CHMP5: variants seen among roughly 807,000 people sequenced by gnomAD.
CHMP5 encodes charged multivesicular body protein 5.
Under a neutral mutation model 33.0 loss-of-function variants are expected in CHMP5, and 17 were observed. That is an observed-to-expected ratio of 0.52 (90% confidence interval 0.35 to 0.77). CHMP5 has a LOEUF of 0.77. CHMP5 is among the 30% of genes least tolerant of loss of function. The pLI, the probability that CHMP5 is intolerant of heterozygous loss-of-function variation, is 0.01. For synonymous variants in CHMP5, 76 were observed against 90.2 expected (o/e 0.84, Z 0.89); for missense variants, 216 against 261.5 (o/e 0.83, Z 1.20).
At chr9:33,278,075 G>T (rs955226159) in intron 6 of CHMP5, 38 bp from the exon 7 acceptor site, 1 of 1,377,770 alleles carries the variant, frequency 7.3e-7, no homozygotes, top group Non-Finnish European at 1.0e-6. Flanking sequence ...AGTTTTCTTG[G>T]TTACATTTTT....
At chr9:33,267,169 C>T (rs1442770865) in intron 2 of CHMP5, among the ~76,000 whole-genome samples, 4 of 152,164 alleles carry the variant, frequency 2.6e-5, no homozygotes, top group African/African-American at 9.7e-5. Flanking sequence ...TTTCCTTCCT[C>T]ACTGGAGAAG....
Position 33,276,715 on chromosome 9 carries a change from C to T in CHMP5, c.496+151C>T. ...GTCCCTGGGCAAAGAGCTTGTGAGGCAGCCACATCAGATTGCATACTCCAC... is the reference window on the plus strand; with the variant it reads ...GTCCCTGGGCAAAGAGCTTGTGAGGTAGCCACATCAGATTGCATACTCCAC... On this transcript the variant is annotated intron_variant, in intron 6 of 7. Coordinates refer to ENST00000223500, the MANE Select transcript of CHMP5 (RefSeq NM_016410.6). 8.5e-6 allele frequency: 5 copies of T among 589,880 alleles called. No individual in the cohort carries two copies. In the South Asian group the frequency reaches 1.1e-4, roughly 13 times the overall value. The allele number at this position is 589,880 out of a possible 1,614,324, so 36.5% of individuals were successfully genotyped here.
intron 6 of CHMP5, chr9:33,277,705 A>C (rs1279127766): frequency 1.9e-5 from 3 of 159,144 alleles, no homozygotes; most frequent in Admixed American, 1.8e-4. Flanking sequence ...GGTGGCTGTC[A>C]GTTTCTAGCA....
intron 7 of CHMP5, among the ~76,000 whole-genome samples, chr9:33,279,074 G>A (rs1464439484): frequency 2.6e-5 from 4 of 152,052 alleles, no homozygotes; most frequent in African/African-American, 7.2e-5. Context: ...ACAGGTGCGC[G>A]CCAACATGCC....
chr9:33,271,488 GC>G (rs1366491157), intron 5 of CHMP5, among the ~76,000 whole-genome samples: 2 of 152,280 alleles, frequency 1.3e-5, no homozygotes, highest in African/African-American at 4.8e-5. Flanking sequence ...AAAACTATAT[GC>G]ATTCAGTAGA....
chr9:33,270,443 A>G (rs537047202), intron 3 of CHMP5, among the ~76,000 whole-genome samples, 180 bp from the exon 4 acceptor site: 3 of 152,326 alleles, frequency 2.0e-5, no homozygotes, highest in East Asian at 3.9e-4. Flanking sequence ...GACACATCAA[A>G]TGATATTTGT....
Position 33,276,914 on chromosome 9 carries a change from A to G in CHMP5, c.496+350A>G, listed in dbSNP as rs146265656. Among the ~76,000 whole-genome samples, 581 of 152,222 alleles carry G rather than the reference A, an allele frequency of 3.8e-3. 1 individual carries two copies. The highest frequency in any genetic ancestry group is 0.013 in the African/African-American group (553 of 41,522). On this transcript the variant is annotated intron_variant, in intron 6 of 7. Transcript: ENST00000223500. The stretch of plus-strand genomic sequence containing the variant: ...CTCAGAACAGCAAAACCAATTAAGA[A>G]ACAATAATTAGGGCCAGGTGCCCTA...
intron 7 of CHMP5, among the ~76,000 whole-genome samples, chr9:33,280,110 G>A (rs1820904439): frequency 6.6e-6 from 1 of 151,982 alleles, no homozygotes; most frequent in Non-Finnish European, 1.5e-5. Context: ...CCAAGTAGCT[G>A]AGATTACAGG....
intron 5 of CHMP5, 105 bp from the exon 6 acceptor site, chr9:33,276,351 T>C (rs1440095110): frequency 1.6e-6 from 1 of 631,600 alleles, no homozygotes; most frequent in Non-Finnish European, 2.8e-6. Flanking sequence ...TACATTATCT[T>C]TTTAAAAATT....
Position 33,268,022 on chromosome 9 carries a change from C to T in CHMP5, c.221+123C>T, listed in dbSNP as rs146710374. 137 of 703,392 alleles carry T rather than the reference C, an allele frequency of 1.9e-4. 1 individual carries two copies. Among genetic ancestry groups the T allele is most frequent in the African/African-American group, 1.7e-3 (93 of 55,754 alleles). 43.6% of individuals were successfully genotyped at this position (703,392 alleles called of 1,614,324 possible). A position where few individuals can be genotyped will look rare whatever the true frequency, so the allele number is the denominator to read the frequency against. On this transcript the variant is annotated intron_variant, in intron 3 of 7. Coordinates refer to ENST00000223500, the MANE Select transcript of CHMP5 (RefSeq NM_016410.6). ...TGATTTAATTACAAATTTTCATTGA[C>T]GTGTAATTAAATACAGTTAGCTGGG...
rs1325490620 is a variant in CHMP5 at position 33,270,476 on chromosome 9, T to G, written c.222-147T>G. ...TGTGTTAGAGTGATTAAATTGTTTT[T>G]GCCAATTTTTCTGCGTGATACCTAA... On this transcript the variant is annotated intron_variant, in intron 3 of 7. Coordinates refer to ENST00000223500, the MANE Select transcript of CHMP5 (RefSeq NM_016410.6). 19 of 628,426 alleles carry G rather than the reference T, an allele frequency of 3.0e-5. No homozygotes were observed. In the South Asian group the frequency reaches 3.4e-4, roughly 11 times the overall value. 38.9% of individuals were successfully genotyped at this position (628,426 alleles called of 1,614,324 possible). A position where few individuals can be genotyped will look rare whatever the true frequency, so the allele number is the denominator to read the frequency against.
chr9:33,276,739 A>G (rs1820859593), intron 6 of CHMP5, among the ~76,000 whole-genome samples, 175 bp downstream of exon 6: 1 of 152,188 alleles, frequency 6.6e-6, no homozygotes, highest in Admixed American at 6.5e-5. Context: ...TGCATACTCC[A>G]CCAACAACAG....
In CHMP5 at chr9:33,267,877, C is replaced by T. The variant is rs747863219; in HGVS notation, c.199C>T (p.Arg67Ter). 1.2e-6 allele frequency: 2 copies of T among 1,611,196 alleles called. No individual in the cohort carries two copies. Among genetic ancestry groups the T allele is most frequent in the Non-Finnish European group, 8.5e-7 (1 of 1,177,596 alleles). ...AKNMVKQKALRVLKQKRMYEQ... is the reference protein window; with the variant it reads ...AKNMVKQKAL ...GAATATGGTCAAGCAGAAAGCCTTG[C>T]GAGTTTTAAAGCAAAAGAGGATGTA... Residue 67 changes from arginine to a stop codon, truncating the protein, a stop_gained, in exon 3 of 8, where the codon CGA becomes TGA. Coordinates refer to ENST00000223500, the MANE Select transcript of CHMP5 (RefSeq NM_016410.6). LOFTEE classifies it high-confidence loss of function.
chr9:33,270,540 C>T, intron 3 of CHMP5, 83 bp from the exon 4 acceptor site: 7 of 1,045,938 alleles, frequency 6.7e-6, no homozygotes, highest in South Asian at 1.4e-5. Flanking sequence ...TTTTTAAATA[C>T]TCTTATTTAG....
In CHMP5 at chr9:33,265,189, C is replaced by T. The variant is rs181826784; in HGVS notation, c.69+42C>T. On this transcript the variant is annotated intron_variant, in intron 1 of 7. Transcript: ENST00000223500. ...GCATAAGTAGGCTCAGGACCTCTGA[C>T]ACACCCGACCCCGCCCACCCCCAGC... 2,987 of 1,593,770 alleles carry T rather than the reference C, an allele frequency of 1.9e-3. 48 individuals carry two copies. The African/African-American group carries it at 0.035, about 19-fold the overall frequency.
At chr9:33,280,413 G>A (rs923879247) in intron 7 of CHMP5, among the ~76,000 whole-genome samples, 4 of 152,200 alleles carry the variant, frequency 2.6e-5, no homozygotes, top group African/African-American at 9.6e-5. Context: ...CTATCCACGG[G>A]CACTGCTCCT....
At chr9:33,276,245 T>C (rs752043370) in intron 5 of CHMP5, among the ~76,000 whole-genome samples, 2 of 152,220 alleles carry the variant, frequency 1.3e-5, no homozygotes, top group African/African-American at 2.4e-5. Flanking sequence ...GAGTGTCTGC[T>C]CAGTTGTTAA....
At chr9:33,278,323 C>T (rs2118049559) in intron 7 of CHMP5, 98 bp downstream of exon 7, 1 of 736,852 alleles carries the variant, frequency 1.4e-6, no homozygotes, top group Non-Finnish European at 2.3e-6. Flanking sequence ...AACATTAGAA[C>T]AAAGAAAGAC....
intron 2 of CHMP5, among the ~76,000 whole-genome samples, chr9:33,266,829 C>G (rs1035149576): frequency 6.6e-6 from 1 of 152,182 alleles, no homozygotes; most frequent in African/African-American, 2.4e-5. Flanking sequence ...GACCAGTGTT[C>G]TAATACACTG....
Sources: gnomAD v4.1 joint callset for allele counts (sites outside exome capture counted in the v4.1 genomes callset) on GRCh38, gnomAD v4.1.1 for gene constraint, MANE v1.5 for transcripts, NCBI Gene and HGNC (gene_info 2026-07-23, HGNC 2026-07-21) for gene names.